PTPRS: variants seen among roughly 807,000 people sequenced by gnomAD.
PTPRS encodes the protein receptor-type tyrosine-protein phosphatase S.
PTPRS carries 63 observed loss-of-function variants against 215.3 expected under a neutral mutation model. That is an observed-to-expected ratio of 0.29 (90% CI 0.24 to 0.36). PTPRS has a LOEUF of 0.36. PTPRS is among the 10% of genes least tolerant of loss of function. PTPRS has a pLI of 1.00. For missense variants in PTPRS, 2,258 were observed against 2,825.8 expected (o/e 0.80, Z 4.56); for synonymous variants, 1,404 against 1,191.4 (o/e 1.18, Z -3.68).
chr19:5,271,283 C>G (rs1375803136), intron 4 of PTPRS, among the ~76,000 whole-genome samples: 1 of 152,146 alleles, frequency 6.6e-6, no homozygotes, highest in African/African-American at 2.4e-5. Context: ...AACACAGTAA[C>G]GGGGAAGTAG....
chr19:5,223,175 C>T lies in PTPRS; in HGVS notation c.2617G>A (p.Glu873Lys). The T allele has an allele frequency of 6.4e-7, 1 of 1,562,482 alleles. No homozygotes were observed. The highest frequency in any genetic ancestry group is 8.7e-7 in the Non-Finnish European group (1 of 1,154,436). ...VLGYRLQFGR[E>K]DSTPLATLEF... Reference sequence around the variant, plus strand: ...AGGGTGGCCAGGGGCGTCGAGTCCTCACGGCCAAACTGCAGGCGGTAGCCC... The same window carrying T: ...AGGGTGGCCAGGGGCGTCGAGTCCTTACGGCCAAACTGCAGGCGGTAGCCC... The change falls in exon 18 of 38, where the codon GAG (glutamate) becomes AAG (lysine). Residue 873 changes from glutamate to lysine, a missense_variant. By Grantham distance (56) the Glu-to-Lys change is moderately conservative. Around this residue, in one of 6 missense-constraint regions of PTPRS, gnomAD observed 361 missense variants for 332.6 expected, o/e 1.09. Transcript: ENST00000262963.
intron 1 of PTPRS, among the ~76,000 whole-genome samples, chr19:5,313,473 C>T (rs1424343944): frequency 1.3e-5 from 2 of 152,166 alleles, no homozygotes; most frequent in East Asian, 1.9e-4. Flanking sequence ...GCGGCTGGCT[C>T]GTCGGAAAAC....
chr19:5,296,058 C>A (rs1266106323), intron 1 of PTPRS, among the ~76,000 whole-genome samples: 1 of 152,144 alleles, frequency 6.6e-6, no homozygotes, highest in East Asian at 1.9e-4. Context: ...TAAGGTTAAG[C>A]CCAGCCTACC....
chr19:5,329,666 G>C (rs1215034441), intron 1 of PTPRS, among the ~76,000 whole-genome samples: 1 of 152,048 alleles, frequency 6.6e-6, no homozygotes, highest in East Asian at 1.9e-4. Flanking sequence ...TGGGGAAGCT[G>C]AGGCAGGAGA....
intron 2 of PTPRS, among the ~76,000 whole-genome samples, chr19:5,278,351 T>G (rs1414876375): frequency 1.3e-5 from 2 of 152,078 alleles, no homozygotes; most frequent in Non-Finnish European, 1.5e-5. Flanking sequence ...CCTGAGTAAC[T>G]GGGACTACAG....
intron 1 of PTPRS, among the ~76,000 whole-genome samples, chr19:5,329,906 G>C (rs991032777): frequency 6.6e-6 from 1 of 151,904 alleles, no homozygotes; most frequent in African/African-American, 2.4e-5. Flanking sequence ...CTGAAACTCT[G>C]TCTCTACCAA....
intron 26 of PTPRS, among the ~76,000 whole-genome samples, chr19:5,215,841 C>T (rs975390737): frequency 6.6e-6 from 1 of 152,266 alleles, no homozygotes; most frequent in Non-Finnish European, 1.5e-5. Context: ...GCTGACACCC[C>T]TGGAGGGGCC....
chr19:5,219,526 G>A (rs2041790309), intron 22 of PTPRS, 59 bp from the exon 23 acceptor site: 3 of 1,494,226 alleles, frequency 2.0e-6, no homozygotes, highest in Non-Finnish European at 2.7e-6. Context: ...TGGCCAGATG[G>A]GTCTTTCTCA....
intron 2 of PTPRS, among the ~76,000 whole-genome samples, chr19:5,281,954 G>C (rs574209131): frequency 2.6e-5 from 4 of 152,260 alleles, no homozygotes; most frequent in African/African-American, 7.2e-5. Flanking sequence ...ACCTCAGCTC[G>C]GCCAGCACCT....
chr19:5,257,142 C>T lies in PTPRS; in HGVS notation c.706+875G>A, dbSNP rs377195990. 1.4e-4 allele frequency among the ~76,000 whole-genome samples: 21 copies of T among 149,902 alleles called. No individual in the cohort carries two copies. In the South Asian group the frequency reaches 3.0e-3, roughly 22 times the overall value. On this transcript the variant is annotated intron_variant, in intron 8 of 37. Coordinates refer to ENST00000262963, the MANE Select transcript of PTPRS (RefSeq NM_002850.4). The surrounding 1 kb of genome is among the most constrained non-coding windows in gnomAD (Gnocchi z 4.4). ...CTGAAAAGACCCAAGAGCCAACACA[C>T]GAGATAAGAGGAGGCCAACGGAGGC...
chr19:5,241,806 G>A (rs2044062133), intron 11 of PTPRS, among the ~76,000 whole-genome samples: 1 of 152,024 alleles, frequency 6.6e-6, no homozygotes, highest in Non-Finnish European at 1.5e-5. Context: ...AGCAGGGAGG[G>A]AGACTGGCCC....
At chr19:5,214,837 G>A (rs1358023245) in intron 28 of PTPRS, 101 bp from the exon 29 acceptor site, 16 of 1,236,380 alleles carry the variant, frequency 1.3e-5, no homozygotes, top group African/African-American at 1.5e-5. Context: ...ACCGCTCCCA[G>A]ATTGTCCCCA....
chr19:5,235,368 T>C (rs570906671), intron 13 of PTPRS, among the ~76,000 whole-genome samples: 1 of 152,292 alleles, frequency 6.6e-6, no homozygotes, highest in South Asian at 2.1e-4. Context: ...AAAATAGTAA[T>C]AGTTCTTATT....
rs1478392843 is a variant in PTPRS at position 5,339,790 on chromosome 19, G to T, written c.-95+874C>A. ...CGCAGCCCCCGGGGGCTCCCGGGGCGTGCGGAACCCGCGGGGCTGGCGGTT... is the reference window on the plus strand; with the variant it reads ...CGCAGCCCCCGGGGGCTCCCGGGGCTTGCGGAACCCGCGGGGCTGGCGGTT... On this transcript the variant is annotated intron_variant, in intron 1 of 37. Transcript: ENST00000262963. The surrounding 1 kb of genome is among the most constrained non-coding windows in gnomAD (Gnocchi z 4.2). 6.6e-6 allele frequency among the ~76,000 whole-genome samples: 1 copy of T among 151,702 alleles called. No individual in the cohort carries two copies. Among genetic ancestry groups the T allele is most frequent in the Non-Finnish European group, 1.5e-5 (1 of 67,838 alleles).
intron 6 of PTPRS, among the ~76,000 whole-genome samples, chr19:5,261,619 A>C (rs1056398934): frequency 1.3e-5 from 2 of 152,158 alleles, no homozygotes; most frequent in Non-Finnish European, 2.9e-5. Context: ...CAAGACCTCG[A>C]TCTGCCAGGA....
At position 5,305,759 on chromosome 19, in the gene PTPRS, A is replaced by AT. The variant is rs1254619734; in HGVS notation, c.-94-19526dup. ...AATAAATAAATAAATATATATATAT[A>AT]TATATATTTTTTTTTTAAAGGCAAA... On this transcript the variant is annotated intron_variant, in intron 1 of 37. Coordinates refer to ENST00000262963, the MANE Select transcript of PTPRS (RefSeq NM_002850.4). Among the ~76,000 whole-genome samples the AT allele has an allele frequency of 1.3e-3, 145 of 114,912 alleles. 1 individual carries two copies. The highest frequency in any genetic ancestry group is 7.6e-3 in the Admixed American group (87 of 11,456). The allele number at this position is 114,912 out of a possible 152,430, so 75.4% of individuals were successfully genotyped here.
rs780451788 is a variant in PTPRS at position 5,214,385 on chromosome 19, G to A, written c.4590C>T (p.Cys1530=). 17 of 1,614,034 alleles carry A rather than the reference G, an allele frequency of 1.1e-5. No individual in the cohort carries two copies. The highest frequency in any genetic ancestry group is 2.2e-5 in the East Asian group (1 of 44,896). ...CCTTGTGCAGAGAGAATGTCCTGAC[G>A]CAGAATGTGGCCAGCTCGATGGTAT... ...LLDTIELATF[C]VRTFSLHKNG... The change falls in exon 30 of 38, where the codon TGC becomes TGT. Residue 1530 remains cysteine (C), a synonymous_variant. Coordinates refer to ENST00000262963, the MANE Select transcript of PTPRS (RefSeq NM_002850.4).
chr19:5,214,862 C>G, intron 28 of PTPRS, 126 bp from the exon 29 acceptor site: 4 of 999,672 alleles, frequency 4.0e-6, no homozygotes. Flanking sequence ...GACCATGGGA[C>G]GTGTACTTCA....
intron 2 of PTPRS, chr19:5,277,890 G>T (rs1199221925): frequency 1.1e-5 from 13 of 1,161,638 alleles, no homozygotes; most frequent in Non-Finnish European, 1.7e-5. Flanking sequence ...TCAAGGGCCA[G>T]ATCTTGATGC....
Sources: allele counts gnomAD v4.1 joint callset (sites outside exome capture counted in the v4.1 genomes callset), GRCh38; gene constraint gnomAD v4.1.1; regional missense constraint gnomAD v4.1.1; non-coding constraint Gnocchi (gnomAD v3.1); transcripts MANE v1.5; gene names NCBI Gene and HGNC (gene_info 2026-07-23, HGNC 2026-07-21).